The following ZNF180 variants were observed in gnomAD, a reference collection of about 807,000 sequenced individuals.
ZNF180 encodes the protein zinc finger protein 180, also known as zinc finger protein 180 (HHZ168).
A neutral mutation model predicts 11.8 loss-of-function variants in ZNF180; 11 were observed. That is an observed-to-expected ratio of 0.93 (90% CI 0.59 to 1.55). ZNF180 has a LOEUF of 1.55. Ranked by LOEUF, ZNF180 falls within the 40% of genes most tolerant of loss-of-function variation. The pLI, the probability that ZNF180 is intolerant of heterozygous loss-of-function variation, is 0.00. For synonymous variants in ZNF180, 287 were observed against 257.7 expected (o/e 1.11, Z -1.09); for missense variants, 773 against 781.7 (o/e 0.99, Z 0.13).
At chr19:44,489,635 A>G (rs1970370777) in intron 2 of ZNF180, among the ~76,000 whole-genome samples, 1 of 122,376 alleles carries the variant, frequency 8.2e-6, no homozygotes, top group African/African-American at 2.8e-5. Context: ...TAGGAAAACC[A>G]GAGACCTTTG....
chr19:44,488,178 T>C (rs1234042947), intron 2 of ZNF180, among the ~76,000 whole-genome samples: 1,316 of 15,038 alleles, frequency 0.088, 161 homozygotes, highest in East Asian at 0.38. Context: ...CTCCCTCTCC[T>C]TCTCTTTCCA....
chr19:44,481,550 C>G (rs763068065), intron 3 of ZNF180, among the ~76,000 whole-genome samples: 8 of 152,004 alleles, frequency 5.3e-5, no homozygotes, highest in African/African-American at 7.3e-5. Context: ...AGATTAGCAC[C>G]CCCACTCCAC....
chr19:44,478,192 A>G, intron 4 of ZNF180, 46 bp from the exon 5 acceptor site: 1 of 1,470,860 alleles, frequency 6.8e-7, no homozygotes, highest in Non-Finnish European at 9.0e-7. Context: ...AATATTAGAG[A>G]TGGAAAAATG....
At chr19:44,494,855 C>T (rs1376721091) in intron 2 of ZNF180, among the ~76,000 whole-genome samples, 2 of 152,102 alleles carry the variant, frequency 1.3e-5, no homozygotes, top group Non-Finnish European at 2.9e-5. Flanking sequence ...ACTAAAGAGC[C>T]ATTAACAATA....
intron 2 of ZNF180, among the ~76,000 whole-genome samples, chr19:44,492,583 C>T (rs907960830): frequency 2.0e-5 from 3 of 152,114 alleles, no homozygotes; most frequent in African/African-American, 7.2e-5. Flanking sequence ...ACAAGCAGAG[C>T]TATCATGGAG....
At chr19:44,490,748 G>A (rs1273818327) in intron 2 of ZNF180, among the ~76,000 whole-genome samples, 1 of 152,078 alleles carries the variant, frequency 6.6e-6, no homozygotes, top group African/African-American at 2.4e-5. Context: ...ATTCCAAAAT[G>A]TCACTATCTG....
Position 44,484,367 on chromosome 19 carries a change from TG to T in ZNF180, c.119del (p.Pro40HisfsTer6), listed in dbSNP as rs1356742888. ...GAGGCCTTGCCCAACCTACCTGAGATGGGATGGTCAGAGACCCAGTGTCTTC... is the reference window on the plus strand; with the variant it reads ...GAGGCCTTGCCCAACCTACCTGAGATGGATGGTCAGAGACCCAGTGTCTTC... The part of the protein sequence containing the change: ...EGEDTGSLTI[P>X]SQEGVNFKIV... On this transcript the variant is annotated frameshift_variant, in exon 3 of 5. Coordinates refer to ENST00000592529, the MANE Select transcript of ZNF180 (RefSeq NM_001278509.3). LOFTEE classifies it high-confidence loss of function. 1 of 1,612,600 alleles carries T rather than the reference TG, an allele frequency of 6.2e-7. No homozygotes were observed. The highest frequency in any genetic ancestry group is 1.3e-5 in the African/African-American group (1 of 74,844).
Position 44,477,310 on chromosome 19 carries a change from T to C in ZNF180, c.1090A>G (p.Ser364Gly). 6.2e-7 allele frequency: 1 copy of C among 1,612,430 alleles called. No individual in the cohort carries two copies. The highest frequency in any genetic ancestry group is 8.5e-7 in the Non-Finnish European group (1 of 1,178,734). The change falls in exon 5 of 5, where the codon AGC becomes GGC. Residue 364 changes from serine (S) to glycine (G), a missense_variant. Ser to Gly is a moderately conservative substitution (Grantham distance 56, BLOSUM62 0). Coordinates refer to ENST00000592529, the MANE Select transcript of ZNF180 (RefSeq NM_001278509.3). ...YECSECGKSF[S>G]RSSHLVSHQR... ...TGGGAAACAAGGTGCGAGCTCCGGCTGAAGGATTTTCCACATTCACTACAT... is the reference window on the plus strand; with the variant it reads ...TGGGAAACAAGGTGCGAGCTCCGGCCGAAGGATTTTCCACATTCACTACAT...
chr19:44,489,879 AAG>A (rs923211587), intron 2 of ZNF180, among the ~76,000 whole-genome samples: 2,492 of 117,044 alleles, frequency 0.021, 37 homozygotes, highest in African/African-American at 0.038. Context: ...AAGAGAGAGA[AAG>A]AGAGAGAGAG....
chr19:44,489,340 G>T (rs370378319), intron 2 of ZNF180, among the ~76,000 whole-genome samples: 1 of 143,538 alleles, frequency 7.0e-6, no homozygotes, highest in South Asian at 2.4e-4. Flanking sequence ...GATGGTTGCT[G>T]TGTCTGTGTA....
rs1297106857 is a variant in ZNF180 at position 44,495,847 on chromosome 19, G to A, written c.51+1437C>T. ...GCTTGGTCACTGACACCCTGCACATGGACACTCTCTTCACAGCAGGCAGTC... is the reference window on the plus strand; with the variant it reads ...GCTTGGTCACTGACACCCTGCACATAGACACTCTCTTCACAGCAGGCAGTC... On this transcript the variant is annotated intron_variant, in intron 2 of 4. Coordinates refer to ENST00000592529, the MANE Select transcript of ZNF180 (RefSeq NM_001278509.3). The surrounding 1 kb of genome is among the most constrained non-coding windows in gnomAD (Gnocchi z 4.5). Among the ~76,000 whole-genome samples, 1 of 152,268 alleles carries A rather than the reference G, an allele frequency of 6.6e-6. No individual in the cohort carries two copies. Among genetic ancestry groups the A allele is most frequent in the East Asian group, 1.9e-4 (1 of 5,178 alleles).
intron 2 of ZNF180, among the ~76,000 whole-genome samples, chr19:44,488,671 C>T (rs1970317339): frequency 6.6e-6 from 1 of 152,024 alleles, no homozygotes; most frequent in Admixed American, 6.5e-5. Flanking sequence ...ATTGCAGCCT[C>T]TGCCCAGCTG....
rs149309448 is a variant in ZNF180 at position 44,487,975 on chromosome 19, C to A, written c.52-3540G>T. ...CTCTTGACCTTGTGATCTGCCCACA[C>A]TGGCCTCCCAAAGTGCTGGGATTAC... On this transcript the variant is annotated intron_variant, in intron 2 of 4. Transcript: ENST00000592529. Among the ~76,000 whole-genome samples the A allele has an allele frequency of 3.1e-3, 466 of 152,262 alleles. 1 individual carries two copies. The highest frequency in any genetic ancestry group is 0.011 in the African/African-American group (442 of 41,538).
intron 2 of ZNF180, among the ~76,000 whole-genome samples, chr19:44,497,009 T>C (rs1223866281): frequency 6.6e-6 from 1 of 152,228 alleles, no homozygotes; most frequent in Non-Finnish European, 1.5e-5. Flanking sequence ...AATTGTTCAT[T>C]CTCAAAGCTG....
At chr19:44,479,811 C>T (rs1210730575) in intron 3 of ZNF180, among the ~76,000 whole-genome samples, 5 of 152,176 alleles carry the variant, frequency 3.3e-5, no homozygotes, top group African/African-American at 4.8e-5. Context: ...AAATATTTCA[C>T]ACTTTGCCAG....
chr19:44,490,049 AGGG>A (rs1970401058), intron 2 of ZNF180, among the ~76,000 whole-genome samples: 1 of 131,750 alleles, frequency 7.6e-6, no homozygotes, highest in Non-Finnish European at 1.7e-5. Flanking sequence ...AGGGAAGGGA[AGGG>A]AAAGAGGGAA....
At chr19:44,483,649 G>GA (rs749794655) in intron 3 of ZNF180, among the ~76,000 whole-genome samples, 72 of 151,524 alleles carry the variant, frequency 4.8e-4, no homozygotes, top group Non-Finnish European at 9.1e-4. Flanking sequence ...TTTTCGCAGT[G>GA]AAAGATCAAG....
intron 2 of ZNF180, among the ~76,000 whole-genome samples, chr19:44,487,940 T>C (rs1236585279): frequency 6.6e-6 from 1 of 152,200 alleles, no homozygotes; most frequent in African/African-American, 2.4e-5. Flanking sequence ...TTGGCCAGGA[T>C]GGTCTTGACC....
intron 1 of ZNF180, 67 bp from the exon 2 acceptor site, chr19:44,497,444 A>G: frequency 6.9e-7 from 1 of 1,452,696 alleles, no homozygotes; most frequent in Middle Eastern, 1.8e-4. Context: ...CCCCACCCCC[A>G]TTAGCCCCTG....
Sources: gnomAD v4.1 joint callset for allele counts (sites outside exome capture counted in the v4.1 genomes callset) on GRCh38, gnomAD v4.1.1 for gene constraint, Gnocchi (gnomAD v3.1) non-coding constraint, MANE v1.5 for transcripts, NCBI Gene and HGNC (gene_info 2026-07-23, HGNC 2026-07-21) for gene names.